The following ASL variants were observed in gnomAD, a reference collection of about 807,000 sequenced individuals.
ASL encodes the protein argininosuccinase.
A neutral mutation model predicts 69.1 loss-of-function variants in ASL; 51 were observed. The ratio of observed to expected loss-of-function variants is 0.74; its 90% CI spans 0.59 to 0.93. The LOEUF (loss-of-function observed/expected upper bound fraction) is 0.93. Among genes scored for constraint, ASL ranks in the 40% least tolerant of loss-of-function variants. The probability of loss-of-function intolerance (pLI) is 0.00; values close to 1 mark genes in which losing one functional copy is unlikely to be tolerated. For missense variants in ASL, 540 were observed against 623.9 expected (o/e 0.87, Z 1.43); for synonymous variants, 241 against 247.6 (o/e 0.97, Z 0.25).
At chr7:66,086,711 T>A in intron 7 of ASL, 33 bp from the exon 8 acceptor site, 2 of 1,611,326 alleles carry the variant, frequency 1.2e-6, no homozygotes, top group Non-Finnish European at 1.7e-6. Context: ...GGACCCCGGC[T>A]GCCCTGACCC....
In ASL at chr7:66,088,820, C is replaced by G; in HGVS notation, c.732C>G (p.Phe244Leu). Residue 244 changes from phenylalanine to leucine, a missense_variant, in exon 11 of 17, where the codon TTC (phenylalanine) becomes TTG (leucine). Physicochemically the swap from Phe to Leu is conservative, Grantham distance 22. Transcript: ENST00000304874. ...CTTTTCTCCCAGCCGAGTTCCTGTT[C>G]TGGGCTTCGCTGTGCATGACCCATC... is the stretch of plus-strand genomic sequence containing the variant. ...SERDFVAEFL[F>L]WASLCMTHLS... 2 of 1,613,554 alleles carry G rather than the reference C, an allele frequency of 1.2e-6. No individual in the cohort carries two copies. Among genetic ancestry groups the G allele is most frequent in the Non-Finnish European group, 1.7e-6 (2 of 1,179,834 alleles).
chr7:66,087,530 G>A, intron 9 of ASL, 144 bp downstream of exon 9: 1 of 1,132,484 alleles, frequency 8.8e-7, no homozygotes, highest in Non-Finnish European at 1.3e-6. Flanking sequence ...AGGTCATCAA[G>A]TTCAGGGGTC....
chr7:66,081,425 C>T (rs1186207769), intron 2 of ASL, among the ~76,000 whole-genome samples: 1 of 151,956 alleles, frequency 6.6e-6, no homozygotes, highest in Admixed American at 6.6e-5. Flanking sequence ...ACTAATGATA[C>T]AAAAATTAGC....
chr7:66,085,647 G>A (rs1318877323), intron 6 of ASL, among the ~76,000 whole-genome samples: 2 of 149,014 alleles, frequency 1.3e-5, no homozygotes, highest in East Asian at 2.0e-4. Flanking sequence ...TCGCTCTGTC[G>A]CCCAGGCTGA....
intron 6 of ASL, among the ~76,000 whole-genome samples, chr7:66,085,361 C>T (rs973923217): frequency 1.3e-5 from 2 of 152,056 alleles, no homozygotes; most frequent in African/African-American, 4.8e-5. Flanking sequence ...ACCTGTAGTC[C>T]CAGCTACTTG....
rs763948849 is a variant in ASL, at chr7:66,087,351, A to G, written c.620A>G (p.Asn207Ser). 8 of 1,604,972 alleles carry G rather than the reference A, an allele frequency of 5.0e-6. No individual in the cohort carries two copies. Among genetic ancestry groups the G allele is most frequent in the Non-Finnish European group, 5.1e-6 (6 of 1,179,682 alleles). The change falls in exon 9 of 17, where the codon AAT becomes AGT. Residue 207 changes from asparagine to serine, a missense_variant. Asn to Ser is a conservative substitution (Grantham distance 46, BLOSUM62 1). Transcript: ENST00000304874. Reference sequence around the variant, plus strand: ...CCCTGCAGTGGGGCCATTGCAGGCAATCCCCTGGGTGTGGACCGAGAGCTG... The same window carrying G: ...CCCTGCAGTGGGGCCATTGCAGGCAGTCCCCTGGGTGTGGACCGAGAGCTG... ...LPLGSGAIAG[N>S]PLGVDRELLR...
chr7:66,083,272 GC>G, intron 6 of ASL, 98 bp downstream of exon 6: 3 of 1,343,152 alleles, frequency 2.2e-6, no homozygotes, highest in Non-Finnish European at 3.1e-6. Flanking sequence ...GGGGTGCCAG[GC>G]CCTGGGGGAC....
chr7:66,081,727 T>C lies in ASL; in HGVS notation c.13-76T>C. 3.3e-6 allele frequency: 5 copies of C among 1,523,388 alleles called. No homozygotes were observed. The South Asian group carries it at 3.8e-5, about 12-fold the overall frequency. 94.4% of individuals were successfully genotyped at this position (1,523,388 alleles called of 1,614,324 possible). A position where few individuals can be genotyped will look rare whatever the true frequency, so the allele number is the denominator to read the frequency against. ...CCTGCTACCATCAGACTTGATAAGT[T>C]TCCCAAAGACTCTTTGCAAGAAGCA... On this transcript the variant is annotated intron_variant, in intron 2 of 16. Coordinates refer to ENST00000304874, the MANE Select transcript of ASL (RefSeq NM_000048.4).
At chr7:66,092,200 C>A in intron 15 of ASL, 114 bp downstream of exon 15, 1 of 1,311,440 alleles carries the variant, frequency 7.6e-7, no homozygotes, top group Non-Finnish European at 1.1e-6. Context: ...CCCTGTAATC[C>A]CAGCACTTTG....
intron 6 of ASL, among the ~76,000 whole-genome samples, chr7:66,083,531 A>G (rs1255884144): frequency 6.6e-6 from 1 of 151,964 alleles, no homozygotes; most frequent in Non-Finnish European, 1.5e-5. Flanking sequence ...CTAAAAATAC[A>G]AAAATTAGGC....
In ASL at chr7:66,092,942, G is replaced by A. The variant is rs748887488; in HGVS notation, c.*30G>A. 2 of 1,586,468 alleles carry A rather than the reference G, an allele frequency of 1.3e-6. No individual in the cohort carries two copies. The highest frequency in any genetic ancestry group is 3.5e-5 in the Admixed American group (2 of 56,664). ...TCCCACACCTGCCCCCTAATAAAGT[G>A]GGCGCGAGAGGAGGCTGCTGTGTGT... is the stretch of plus-strand genomic sequence containing the variant. On this transcript the variant is annotated 3_prime_UTR_variant, in exon 17 of 17. Coordinates refer to ENST00000304874, the MANE Select transcript of ASL (RefSeq NM_000048.4).
At chr7:66,092,148 G>C (rs558533355) in intron 15 of ASL, 62 bp downstream of exon 15, 2 of 1,582,146 alleles carry the variant, frequency 1.3e-6, no homozygotes, top group Non-Finnish European at 1.7e-6. Context: ...GAGGGTGGGG[G>C]AGCTCAGGAA....
chr7:66,089,524 G>T, intron 13 of ASL, 88 bp from the exon 14 acceptor site: 1 of 1,498,936 alleles, frequency 6.7e-7, no homozygotes, highest in African/African-American at 1.4e-5. Flanking sequence ...GGAAGGCAGT[G>T]GGGATGCCTC....
Position 66,089,090 on chromosome 7 carries a change from G to C in ASL, c.834-1G>C. On this transcript the variant is annotated splice_acceptor_variant, in intron 11 of 16. Coordinates refer to ENST00000304874, the MANE Select transcript of ASL (RefSeq NM_000048.4). LOFTEE classifies it high-confidence loss of function. ...TTCAGCGCCAGCACCTCTGTCCCCAGCACGGGAAGCAGCCTGATGCCCCAG... is the reference window on the plus strand; with the variant it reads ...TTCAGCGCCAGCACCTCTGTCCCCACCACGGGAAGCAGCCTGATGCCCCAG... 6.2e-7 allele frequency: 1 copy of C among 1,613,862 alleles called. No homozygotes were observed. Among genetic ancestry groups the C allele is most frequent in the Non-Finnish European group, 8.5e-7 (1 of 1,179,954 alleles).
At position 66,089,295 on chromosome 7, in the gene ASL, C is replaced by A. The variant is rs1410031530; in HGVS notation, c.938C>A (p.Thr313Asn). 18 of 1,610,204 alleles carry A rather than the reference C, an allele frequency of 1.1e-5. No homozygotes were observed. Among genetic ancestry groups the A allele is most frequent in the Admixed American group, 3.4e-5 (2 of 59,446 alleles). Reference protein sequence around the residue: ...VFGRCAGLLMTLKGLPSTYNK... With the variant: ...VFGRCAGLLMNLKGLPSTYNK... ...CCGCAGTGTGCCGGGCTCCTGATGA[C>A]CCTCAAGGGACTTCCCAGCACCTAC... is the stretch of plus-strand genomic sequence containing the variant. The change falls in exon 13 of 17, where the codon ACC (threonine) becomes AAC (asparagine). Residue 313 changes from threonine to asparagine, a missense_variant. Coordinates refer to ENST00000304874, the MANE Select transcript of ASL (RefSeq NM_000048.4).
chr7:66,083,576 C>T (rs916903821), intron 6 of ASL, among the ~76,000 whole-genome samples: 2 of 151,714 alleles, frequency 1.3e-5, no homozygotes, highest in South Asian at 2.1e-4. Flanking sequence ...CCCAGCTACT[C>T]GGGAGCCTGA....
rs1269247701 is a variant in ASL at position 66,089,619 on chromosome 7, A to C, written c.986A>C (p.Lys329Thr). Residue 329 changes from lysine to threonine, a missense_variant, in exon 14 of 17, where the codon AAG becomes ACG. Lys to Thr is a moderately conservative substitution (Grantham distance 78). Transcript: ENST00000304874. ...STYNKDLQED[K>T]EAVFEVSDTM... is the part of the protein sequence containing the mutation. Reference sequence around the variant, plus strand: ...CTGCCATGTGCCTCCCAGGAGGACAAGGAAGCTGTGTTTGAAGTGTCAGAC... The same window carrying C: ...CTGCCATGTGCCTCCCAGGAGGACACGGAAGCTGTGTTTGAAGTGTCAGAC... The C allele has an allele frequency of 6.2e-7, 1 of 1,613,764 alleles. No individual in the cohort carries two copies. The highest frequency in any genetic ancestry group is 1.1e-5 in the South Asian group (1 of 91,082).
At chr7:66,086,507 C>A in intron 6 of ASL, 78 bp from the exon 7 acceptor site, 1 of 1,499,480 alleles carries the variant, frequency 6.7e-7, no homozygotes, top group Non-Finnish European at 9.2e-7. Context: ...AGGGGTGACC[C>A]AGGCCTGCAG....
chr7:66,087,621 C>T lies in ASL; in HGVS notation c.656-108C>T. ...GGACTGTGCAAAAGATCCCTCCCCCCAGCTGTTGCCCCACCCTGATCAGGG... is the reference window on the plus strand; with the variant it reads ...GGACTGTGCAAAAGATCCCTCCCCCTAGCTGTTGCCCCACCCTGATCAGGG... On this transcript the variant is annotated intron_variant, in intron 9 of 16. Coordinates refer to ENST00000304874, the MANE Select transcript of ASL (RefSeq NM_000048.4). The T allele has an allele frequency of 3.4e-6, 4 of 1,166,862 alleles. No homozygotes were observed. The East Asian group carries it at 7.4e-5, about 22-fold the overall frequency. 72.3% of individuals were successfully genotyped at this position (1,166,862 alleles called of 1,614,324 possible).
Sources: gnomAD v4.1 joint callset for allele counts (sites outside exome capture counted in the v4.1 genomes callset) on GRCh38, gnomAD v4.1.1 for gene constraint, MANE v1.5 for transcripts, NCBI Gene and HGNC (gene_info 2026-07-23, HGNC 2026-07-21) for gene names.